SLC24A4: variants seen among roughly 807,000 people sequenced by gnomAD.
SLC24A4 encodes sodium/potassium/calcium exchanger 4.
A neutral mutation model predicts 79.0 loss-of-function variants in SLC24A4; 53 were observed. That is an observed-to-expected ratio of 0.67 (90% CI 0.54 to 0.84). The LOEUF (loss-of-function observed/expected upper bound fraction) is 0.84. Among genes scored for constraint, SLC24A4 ranks in the 40% least tolerant of loss-of-function variants. SLC24A4 has a pLI of 0.00. For missense variants in SLC24A4, 731 were observed against 822.0 expected (o/e 0.89, Z 1.35); for synonymous variants, 323 against 323.8 (o/e 1.00, Z 0.03).
intron 12 of SLC24A4, among the ~76,000 whole-genome samples, chr14:92,480,322 T>C: frequency 1.0e-5 from 1 of 98,544 alleles, no homozygotes; most frequent in African/African-American, 3.3e-5. Context: ...AGTCTTGCTC[T>C]GTCGCCCAGG....
chr14:92,381,894 G>A (rs1888872811), intron 2 of SLC24A4, among the ~76,000 whole-genome samples: 1 of 152,194 alleles, frequency 6.6e-6, no homozygotes, highest in Non-Finnish European at 1.5e-5. Context: ...GTAAGGCGGA[G>A]AGCCCTGTTT....
At chr14:92,432,648 AAGAG>A (rs1172272183) in intron 2 of SLC24A4, among the ~76,000 whole-genome samples, 1 of 152,228 alleles carries the variant, frequency 6.6e-6, no homozygotes, top group Non-Finnish European at 1.5e-5. Flanking sequence ...ATTACAAAAA[AAGAG>A]AGAGATGTGA....
chr14:92,343,651 T>TC lies in SLC24A4; in HGVS notation c.241+17674dup, dbSNP rs61411391. On this transcript the variant is annotated intron_variant, in intron 2 of 16. Coordinates refer to ENST00000532405, the MANE Select transcript of SLC24A4 (RefSeq NM_153646.4). ...TTCTTTCTTTCTTTCTCTCTTTCCT[T>TC]CTTTCCTTCCTTCCTTCCTTCCTTC... 5.8e-3 allele frequency among the ~76,000 whole-genome samples: 805 copies of TC among 137,850 alleles called. 4 individuals are homozygous for TC. Among genetic ancestry groups the TC allele is most frequent in the African/African-American group, 0.015 (514 of 33,168 alleles). 90.4% of individuals were successfully genotyped at this position (137,850 alleles called of 152,430 possible).
chr14:92,442,264 G>GT, intron 5 of SLC24A4, 91 bp downstream of exon 5: 1 of 987,764 alleles, frequency 1.0e-6, no homozygotes, highest in Non-Finnish European at 1.5e-6. Flanking sequence ...CTGAGCCTCA[G>GT]TTTTCTCATC....
chr14:92,367,842 A>C (rs1342229386), intron 2 of SLC24A4, among the ~76,000 whole-genome samples: 1 of 152,230 alleles, frequency 6.6e-6, no homozygotes, highest in Admixed American at 6.5e-5. Context: ...ATAGCAGAGA[A>C]AGGGAGAAGC....
chr14:92,335,779 G>T (rs933647348), intron 2 of SLC24A4, among the ~76,000 whole-genome samples: 1 of 152,182 alleles, frequency 6.6e-6, no homozygotes, highest in Non-Finnish European at 1.5e-5. Flanking sequence ...AATTCAGGTG[G>T]TCTGAATTGT....
chr14:92,456,733 T>C, intron 12 of SLC24A4, 125 bp downstream of exon 12: 2 of 962,684 alleles, frequency 2.1e-6, no homozygotes, highest in South Asian at 3.1e-5. Context: ...AAAGGGTCGA[T>C]ATTAGGTCAC....
At position 92,493,660 on chromosome 14, in the gene SLC24A4, G is replaced by A; in HGVS notation, c.*32G>A. The A allele has an allele frequency of 6.2e-7, 1 of 1,609,914 alleles. No homozygotes were observed. The highest frequency in any genetic ancestry group is 8.5e-7 in the Non-Finnish European group (1 of 1,177,628). ...GTCGCGGCCCCTGGGAGCTGATCTG[G>A]ACACCCTGTGACACTGGCGTTCTCC... On this transcript the variant is annotated 3_prime_UTR_variant, in exon 17 of 17. Coordinates refer to ENST00000532405, the MANE Select transcript of SLC24A4 (RefSeq NM_153646.4).
intron 2 of SLC24A4, among the ~76,000 whole-genome samples, chr14:92,337,948 G>C (rs1275143507): frequency 1.3e-5 from 2 of 152,160 alleles, no homozygotes; most frequent in Non-Finnish European, 2.9e-5. Flanking sequence ...ATAAAGGCTG[G>C]AGGCTGAATT....
intron 14 of SLC24A4, among the ~76,000 whole-genome samples, chr14:92,489,119 CAG>C (rs1895532517): frequency 6.6e-6 from 1 of 151,982 alleles, no homozygotes; most frequent in Non-Finnish European, 1.5e-5. Flanking sequence ...ATATGATTGA[CAG>C]GGACTCCAAC....
intron 2 of SLC24A4, among the ~76,000 whole-genome samples, chr14:92,368,477 C>G (rs1887978117): frequency 6.6e-6 from 1 of 152,030 alleles, no homozygotes; most frequent in Admixed American, 6.6e-5. Flanking sequence ...GGATTGGGGC[C>G]CTAGCTGTTA....
At chr14:92,360,147 C>T (rs1005237987) in intron 2 of SLC24A4, among the ~76,000 whole-genome samples, 2 of 152,234 alleles carry the variant, frequency 1.3e-5, no homozygotes, top group African/African-American at 4.8e-5. Flanking sequence ...TGGTCTTGAT[C>T]TCTTGACCTC....
At chr14:92,357,352 G>A (rs550657103) in intron 2 of SLC24A4, among the ~76,000 whole-genome samples, 3 of 152,316 alleles carry the variant, frequency 2.0e-5, no homozygotes, top group South Asian at 2.1e-4. Flanking sequence ...TAACTAGGAA[G>A]AATATATGTT....
chr14:92,480,204 C>T (rs1291720040), intron 12 of SLC24A4, among the ~76,000 whole-genome samples: 1 of 149,588 alleles, frequency 6.7e-6, no homozygotes, highest in Non-Finnish European at 1.5e-5. Flanking sequence ...TTCCTTCCTT[C>T]TGCTTTCTTT....
intron 2 of SLC24A4, among the ~76,000 whole-genome samples, chr14:92,416,122 G>GGTGTGTGTGTGTGT (rs34411259): frequency 1.3e-4 from 19 of 148,010 alleles, no homozygotes; most frequent in South Asian, 4.3e-4. Context: ...TTGTGTGTGT[G>GGTGTGTGTGTGTGT]GTGTGTGTGT....
intron 2 of SLC24A4, among the ~76,000 whole-genome samples, chr14:92,342,094 C>T (rs888892587): frequency 2.0e-5 from 3 of 152,112 alleles, no homozygotes; most frequent in Non-Finnish European, 2.9e-5. Flanking sequence ...GTTGCTGCCT[C>T]TTCCACAGTC....
intron 2 of SLC24A4, among the ~76,000 whole-genome samples, chr14:92,422,063 T>C (rs1891313902): frequency 6.6e-6 from 1 of 152,232 alleles, no homozygotes; most frequent in African/African-American, 2.4e-5. Flanking sequence ...TAAAATTTTT[T>C]CCACATCCAG....
intron 1 of SLC24A4, among the ~76,000 whole-genome samples, chr14:92,324,184 T>C (rs1379238121): frequency 6.6e-6 from 1 of 152,024 alleles, no homozygotes; most frequent in Non-Finnish European, 1.5e-5. Context: ...CTGGGGGGGC[T>C]CAGGACGCGG....
At chr14:92,411,836 G>C (rs1890734910) in intron 2 of SLC24A4, among the ~76,000 whole-genome samples, 1 of 152,208 alleles carries the variant, frequency 6.6e-6, no homozygotes, top group African/African-American at 2.4e-5. Flanking sequence ...TTCTAAGGTA[G>C]GAACTGGGTC....
Sources: allele counts gnomAD v4.1 joint callset (sites outside exome capture counted in the v4.1 genomes callset), GRCh38; gene constraint gnomAD v4.1.1; transcripts MANE v1.5; gene names NCBI Gene and HGNC (gene_info 2026-07-23, HGNC 2026-07-21).